Variants in FREM2 observed in about 807,000 individuals in gnomAD.
FREM2 encodes the protein FRAS1 related extracellular matrix 2, also known as FRAS1-related extracellular matrix protein 2.
In FREM2, 119 loss-of-function variants were observed where a neutral mutation model predicts 219.9. That is an observed-to-expected ratio of 0.54 (90% CI 0.47 to 0.63). The LOEUF (loss-of-function observed/expected upper bound fraction) is 0.63. Among genes scored for constraint, FREM2 ranks in the 30% least tolerant of loss-of-function variants. The pLI, the probability that FREM2 is intolerant of heterozygous loss-of-function variation, is 0.00. For missense variants in FREM2, 4,030 were observed against 3,993.6 expected, an observed-to-expected ratio of 1.01 and a Z score of -0.25; for synonymous variants, 1,562 against 1,522.8, an observed-to-expected ratio of 1.03 and a Z score of -0.60.
rs1029610684 is a variant in FREM2 at position 38,878,159 on chromosome 13, G to A, written c.8697G>A (p.Met2899Ile). The change falls in exon 22 of 24, where the codon ATG becomes ATA. Residue 2899 changes from methionine (M) to isoleucine (I), a missense_variant. By Grantham distance (10) the Met-to-Ile change is conservative. This residue lies in a region of FREM2 where 928 missense variants were observed against 1,042.9 expected (regional missense o/e 0.89). Transcript: ENST00000280481. ...AEGDIIYGRV[M>I]VDPVQNLGDS... ...GTGATATAATTTATGGTCGTGTCAT[G>A]GTGGATCCTGTCCAGAATCTGGGTG... 1 of 1,613,638 alleles carries A rather than the reference G, an allele frequency of 6.2e-7. No individual in the cohort carries two copies. The highest frequency in any genetic ancestry group is 1.3e-5 in the African/African-American group (1 of 74,982).
intron 3 of FREM2, among the ~76,000 whole-genome samples, chr13:38,768,402 C>T (rs564538854): frequency 1.3e-5 from 2 of 152,122 alleles, no homozygotes; most frequent in African/African-American, 4.8e-5. Flanking sequence ...TCAGCCTCCC[C>T]AGTAGCAAGG....
At chr13:38,856,095 A>G (rs1877546738) in intron 11 of FREM2, 31 bp from the exon 12 acceptor site, 1 of 1,539,042 alleles carries the variant, frequency 6.5e-7, no homozygotes, top group African/African-American at 1.4e-5. Context: ...TCATATGCAA[A>G]TGATTTAAAT....
intron 2 of FREM2, among the ~76,000 whole-genome samples, chr13:38,743,113 T>G (rs998244413): frequency 2.6e-4 from 40 of 152,248 alleles, no homozygotes; most frequent in Middle Eastern, 3.4e-3. Flanking sequence ...CTCATCCACC[T>G]TGCTGACAGG....
intron 18 of FREM2, 100 bp downstream of exon 18, chr13:38,874,686 C>T: frequency 1.1e-6 from 1 of 899,402 alleles, no homozygotes; most frequent in Non-Finnish European, 1.9e-6. Flanking sequence ...CCACTGAAGC[C>T]CTTAATCTCA....
chr13:38,830,039 T>C (rs773120889), intron 6 of FREM2, among the ~76,000 whole-genome samples: 13 of 152,172 alleles, frequency 8.5e-5, no homozygotes, highest in South Asian at 2.1e-4. Flanking sequence ...TCTATAGTCT[T>C]AGCCACAAAA....
At chr13:38,799,507 T>C (rs1874927446) in intron 6 of FREM2, among the ~76,000 whole-genome samples, 1 of 152,078 alleles carries the variant, frequency 6.6e-6, no homozygotes, top group African/African-American at 2.4e-5. Context: ...TTAAAACTAA[T>C]ATTTCTTTGT....
intron 2 of FREM2, among the ~76,000 whole-genome samples, chr13:38,729,463 A>T (rs1871675940): frequency 6.6e-6 from 1 of 152,232 alleles, no homozygotes; most frequent in Non-Finnish European, 1.5e-5. Context: ...CAATATCATT[A>T]AGATTGTGAT....
chr13:38,775,411 C>G (rs552211318), intron 4 of FREM2, among the ~76,000 whole-genome samples: 1 of 152,248 alleles, frequency 6.6e-6, no homozygotes, highest in East Asian at 1.9e-4. Context: ...AAGAAACTAT[C>G]AGTGTGAAGC....
intron 9 of FREM2, among the ~76,000 whole-genome samples, chr13:38,850,668 T>C (rs2137911098): frequency 6.6e-6 from 1 of 152,328 alleles, no homozygotes; most frequent in South Asian, 2.1e-4. Flanking sequence ...AAAATTGACA[T>C]TTGTGCTTTT....
chr13:38,878,932 G>T lies in FREM2; in HGVS notation c.8961G>T (p.Gln2987His), dbSNP rs1222297146. Residue 2987 changes from glutamine to histidine, a missense_variant, in exon 23 of 24, where the codon CAG becomes CAT. Coordinates refer to ENST00000280481, the MANE Select transcript of FREM2 (RefSeq NM_207361.6). ...CTGAAGCCATTCTCTTAGTGAATCA[G>T]CCTGGATCTGATGGATTTAAAGTCG... ...DDPEAILLVNQPGSDGFKVDS... is the reference protein window; with the variant it reads ...DDPEAILLVNHPGSDGFKVDS... The T allele has an allele frequency of 6.2e-7, 1 of 1,614,160 alleles. No homozygotes were observed. The highest frequency in any genetic ancestry group is 1.3e-5 in the African/African-American group (1 of 75,060).
At chr13:38,860,047 G>A (rs1877705749) in intron 14 of FREM2, among the ~76,000 whole-genome samples, 1 of 152,110 alleles carries the variant, frequency 6.6e-6, no homozygotes, top group Admixed American at 6.5e-5. Flanking sequence ...AAGAATGCGG[G>A]ATATTGTGGG....
chr13:38,692,184 G>C lies in FREM2; in HGVS notation c.4840G>C (p.Asp1614His). 6.2e-7 allele frequency: 1 copy of C among 1,614,184 alleles called. No individual in the cohort carries two copies. Among genetic ancestry groups the C allele is most frequent in the East Asian group, 2.2e-5 (1 of 44,878 alleles). ...YKHDGTESSE[D>H]SFSFTVTDGT... Reference sequence around the variant, plus strand: ...ACATGATGGCACTGAGTCAAGTGAAGATAGCTTCTCCTTCACAGTGACTGA... The same window carrying C: ...ACATGATGGCACTGAGTCAAGTGAACATAGCTTCTCCTTCACAGTGACTGA... The change falls in exon 1 of 24, where the codon GAT becomes CAT. Residue 1614 changes from aspartate to histidine, a missense_variant. This residue lies in a region of FREM2 where 3,102 missense variants were observed against 2,950.7 expected (regional missense o/e 1.05). Coordinates refer to ENST00000280481, the MANE Select transcript of FREM2 (RefSeq NM_207361.6).
chr13:38,726,230 G>A (rs34957723), intron 2 of FREM2, among the ~76,000 whole-genome samples: 4,118 of 152,234 alleles, frequency 0.027, 97 homozygotes, highest in Non-Finnish European at 0.044. Context: ...ATTTCAGCAG[G>A]CTCCTGGGTA....
intron 6 of FREM2, among the ~76,000 whole-genome samples, chr13:38,798,480 A>G (rs1040323870): frequency 4.6e-5 from 7 of 152,084 alleles, no homozygotes; most frequent in Non-Finnish European, 1.0e-4. Context: ...TACTGTCCTG[A>G]TAATGATTTT....
In FREM2 at chr13:38,769,770, C is replaced by G; in HGVS notation, c.5603C>G (p.Pro1868Arg). 1 of 1,614,044 alleles carries G rather than the reference C, an allele frequency of 6.2e-7. No homozygotes were observed. Among genetic ancestry groups the G allele is most frequent in the Non-Finnish European group, 8.5e-7 (1 of 1,179,956 alleles). Residue 1868 changes from proline (P) to arginine (R), a missense_variant, in exon 4 of 24, where the codon CCC becomes CGC. By Grantham distance (103) the Pro-to-Arg change is moderately radical (BLOSUM62 -2). Transcript: ENST00000280481. ...CCCGTGCTGGCTGCCTTGGAATTCC[C>G]CACAGTCGCCACTGTTGAGATCGTT... Reference protein sequence around the residue: ...SEPVLAALEFPTVATVEIVDP... With the variant: ...SEPVLAALEFRTVATVEIVDP...
chr13:38,832,967 A>G (rs1876569859), intron 6 of FREM2, among the ~76,000 whole-genome samples: 1 of 152,080 alleles, frequency 6.6e-6, no homozygotes, highest in Admixed American at 6.6e-5. Context: ...TAAGCCCAGG[A>G]GGTGGAGGTT....
At chr13:38,723,058 C>G (rs1871360009) in intron 2 of FREM2, among the ~76,000 whole-genome samples, 1 of 151,512 alleles carries the variant, frequency 6.6e-6, no homozygotes, top group Non-Finnish European at 1.5e-5. Flanking sequence ...TGGTGAAACC[C>G]CATCTCTACT....
chr13:38,829,568 C>T (rs1876426271), intron 6 of FREM2, among the ~76,000 whole-genome samples: 2 of 150,612 alleles, frequency 1.3e-5, no homozygotes, highest in African/African-American at 2.4e-5. Context: ...TGGGGGCCTA[C>T]TATGCTATTT....
At chr13:38,844,951 T>C (rs9548497) in intron 6 of FREM2, among the ~76,000 whole-genome samples, 18,797 of 152,236 alleles carry the variant, frequency 0.12, 1,404 homozygotes, top group Admixed American at 0.21. Flanking sequence ...TAATTGAGGT[T>C]GGCTTTGACT....
Sources: allele counts gnomAD v4.1 joint callset (sites outside exome capture counted in the v4.1 genomes callset), GRCh38; gene constraint gnomAD v4.1.1; regional missense constraint gnomAD v4.1.1; transcripts MANE v1.5; gene names NCBI Gene and HGNC (gene_info 2026-07-23, HGNC 2026-07-21).